The following ANKRD42 variants were observed in gnomAD, a reference collection of about 807,000 sequenced individuals.
ANKRD42 encodes ankyrin repeat domain 42.
ANKRD42 carries 43 observed loss-of-function variants against 51.5 expected under a neutral mutation model. The observed-to-expected ratio is 0.83, with a 90% CI of 0.65 to 1.08. The LOEUF (loss-of-function observed/expected upper bound fraction) is 1.08. Ranked by LOEUF, ANKRD42 falls within the 50% of genes least tolerant of loss-of-function variation. The probability of loss-of-function intolerance (pLI) is 0.00; values close to 1 mark genes in which losing one functional copy is unlikely to be tolerated. For synonymous variants in ANKRD42, 203 were observed against 213.0 expected (o/e 0.95, Z 0.41); for missense variants, 608 against 629.3 (o/e 0.97, Z 0.36).
intron 5 of ANKRD42, among the ~76,000 whole-genome samples, chr11:83,215,822 G>A (rs894017419): frequency 6.6e-6 from 1 of 151,882 alleles, no homozygotes; most frequent in Non-Finnish European, 1.5e-5. Context: ...TTCAGATGGA[G>A]TCTTGCTCTG....
intron 5 of ANKRD42, chr11:83,213,047 A>G (rs1486830039): frequency 6.2e-7 from 1 of 1,600,148 alleles, no homozygotes; most frequent in African/African-American, 1.3e-5. Flanking sequence ...GATCATCAAA[A>G]AGAGAACTAA....
At chr11:83,263,833 T>A (rs1864077404), downstream of ANKRD42, among the ~76,000 whole-genome samples, 1 of 152,176 alleles carries the variant, frequency 6.6e-6, no homozygotes, top group Non-Finnish European at 1.5e-5. Context: ...CTGATTCCAA[T>A]TATGCTTGTA....
At chr11:83,196,874 TG>T (rs1861678506) in intron 1 of ANKRD42, among the ~76,000 whole-genome samples, 3 of 152,174 alleles carry the variant, frequency 2.0e-5, no homozygotes, top group African/African-American at 7.2e-5. Context: ...GGTTTTGTTT[TG>T]TAGAGTAGCA....
intron 10 of ANKRD42, 74 bp from the exon 11 acceptor site, chr11:83,247,869 A>T: frequency 8.1e-7 from 1 of 1,240,338 alleles, no homozygotes; most frequent in Non-Finnish European, 1.1e-6. Context: ...ACAATGTATG[A>T]ATGCTTTCCA....
intron 9 of ANKRD42, 42 bp downstream of exon 9, chr11:83,240,976 A>C (rs569379724): frequency 9.6e-6 from 15 of 1,559,788 alleles, no homozygotes; most frequent in Non-Finnish European, 8.7e-7. Context: ...TTTCAGAAAT[A>C]CCACAGCCAC....
chr11:83,228,003 C>A, intron 7 of ANKRD42, 131 bp downstream of exon 7: 1 of 1,015,016 alleles, frequency 9.9e-7, no homozygotes, highest in Non-Finnish European at 1.4e-6. Context: ...ATCAGTCTAT[C>A]TTGTATGGTA....
intron 5 of ANKRD42, among the ~76,000 whole-genome samples, chr11:83,216,387 A>G (rs1406267194): frequency 4.6e-5 from 7 of 151,146 alleles, no homozygotes; most frequent in Non-Finnish European, 7.4e-5. Context: ...GCAGTGGCGC[A>G]ATCTCGGCTC....
rs2135495287 is a variant in ANKRD42, at chr11:83,208,117, G to A, written c.330+1952G>A. Reference sequence around the variant, plus strand: ...TGACTCACTGCAGCATCAACCTCCTGGGCCCAAGTGATCCTCCCACCTCAG... The same window carrying A: ...TGACTCACTGCAGCATCAACCTCCTAGGCCCAAGTGATCCTCCCACCTCAG... On this transcript the variant is annotated intron_variant, in intron 3 of 10. Coordinates refer to ENST00000533342, the MANE Select transcript of ANKRD42 (RefSeq NM_001300975.2). 2.0e-5 allele frequency among the ~76,000 whole-genome samples: 3 copies of A among 152,158 alleles called. No homozygotes were observed. In the East Asian group the frequency reaches 5.8e-4, roughly 29 times the overall value.
downstream of ANKRD42, chr11:83,249,053 G>A (rs1863627636): frequency 4.4e-6 from 4 of 900,298 alleles, no homozygotes; most frequent in African/African-American, 1.8e-5. Context: ...GAGGCCAGCT[G>A]TACAGTCATG....
At position 83,194,408 on chromosome 11, in the gene ANKRD42, A is replaced by G. The variant is rs755889488; in HGVS notation, c.-263A>G. The G allele has an allele frequency of 3.0e-6, 2 of 676,418 alleles. No individual in the cohort carries two copies. The highest frequency in any genetic ancestry group is 3.0e-5 in the South Asian group (2 of 66,520). 41.9% of individuals were successfully genotyped at this position (676,418 alleles called of 1,614,324 possible). A position where few individuals can be genotyped will look rare whatever the true frequency, so the allele number is the denominator to read the frequency against. On this transcript the variant is annotated 5_prime_UTR_variant, in exon 1 of 11. Transcript: ENST00000533342. Reference sequence around the variant, plus strand: ...GAGGAAGTAAGTGGAGACCGCGGCTACGCAGCCAGCGACTCCTCTGGTGTG... The same window carrying G: ...GAGGAAGTAAGTGGAGACCGCGGCTGCGCAGCCAGCGACTCCTCTGGTGTG...
intron 7 of ANKRD42, among the ~76,000 whole-genome samples, chr11:83,235,922 TATATATC>T (rs1489570249): frequency 1.3e-5 from 2 of 152,218 alleles, no homozygotes; most frequent in Non-Finnish European, 2.9e-5. Flanking sequence ...GAAGAATACA[TATATATC>T]ATACATCTAT....
At chr11:83,242,567 G>GTTTTTTTTTTGTTTGTTTTTTATTT (rs770772334) in intron 9 of ANKRD42, among the ~76,000 whole-genome samples, 1 of 115,546 alleles carries the variant, frequency 8.7e-6, no homozygotes. Flanking sequence ...TGGTAGTTAA[G>GTTTTTTTTTTGTTTGTTTTTTATTT]TTTTTTTTTT....
chr11:83,220,527 G>A (rs191649773), intron 5 of ANKRD42, among the ~76,000 whole-genome samples: 6 of 152,182 alleles, frequency 3.9e-5, no homozygotes, highest in Admixed American at 6.5e-5. Context: ...GGTGAGTCAC[G>A]GACTGATAGA....
At chr11:83,206,840 C>G (rs769967379) in intron 3 of ANKRD42, among the ~76,000 whole-genome samples, 4 of 152,092 alleles carry the variant, frequency 2.6e-5, no homozygotes, top group Admixed American at 6.6e-5. Context: ...TATTGCCTGA[C>G]CAGGGTGACA....
downstream of ANKRD42, chr11:83,261,951 C>G: frequency 6.3e-7 from 1 of 1,599,108 alleles, no homozygotes; most frequent in Non-Finnish European, 8.5e-7. Context: ...TATTGCCAGG[C>G]AAGTAAACAC....
intron 7 of ANKRD42, among the ~76,000 whole-genome samples, chr11:83,229,913 T>C (rs916916031): frequency 6.6e-6 from 1 of 152,176 alleles, no homozygotes; most frequent in African/African-American, 2.4e-5. Flanking sequence ...GATGTTTTGA[T>C]ACAGACATGG....
rs1185510906 is a variant in ANKRD42 at position 83,240,950 on chromosome 11, CTG to C, written c.1195+18_1195+19del. On this transcript the variant is annotated intron_variant, in intron 9 of 10. Coordinates refer to ENST00000533342, the MANE Select transcript of ANKRD42 (RefSeq NM_001300975.2). ...GATGCCAGAAGTAAGTATGCTGCCT[CTG>C]TTGTGATTTATCCTTTCAGAAATAC... 1.2e-6 allele frequency: 2 copies of C among 1,601,818 alleles called. No homozygotes were observed. The highest frequency in any genetic ancestry group is 3.5e-5 in the Admixed American group (2 of 57,282).
downstream of ANKRD42, among the ~76,000 whole-genome samples, chr11:83,258,737 A>G (rs997865091): frequency 6.6e-6 from 1 of 152,178 alleles, no homozygotes; most frequent in Non-Finnish European, 1.5e-5. Context: ...CCTTTTTTTA[A>G]ATATTAAAAA....
intron 8 of ANKRD42, among the ~76,000 whole-genome samples, chr11:83,238,314 A>G (rs76538464): frequency 0.021 from 3,194 of 152,316 alleles, 98 homozygotes; most frequent in African/African-American, 0.072. Flanking sequence ...TGGTAAGTCT[A>G]TGAGTAGGAT....
Sources: gnomAD v4.1 joint callset for allele counts (sites outside exome capture counted in the v4.1 genomes callset) on GRCh38, gnomAD v4.1.1 for gene constraint, MANE v1.5 for transcripts, NCBI Gene and HGNC (gene_info 2026-07-23, HGNC 2026-07-21) for gene names.